The following SAFB variants were observed in gnomAD, a reference collection of about 807,000 sequenced individuals.
The protein encoded by SAFB is scaffold attachment factor B.
A neutral mutation model predicts 101.6 loss-of-function variants in SAFB; 15 were observed. The observed-to-expected ratio is 0.15, with a 90% confidence interval of 0.10 to 0.23. SAFB has a LOEUF of 0.23. SAFB is among the 10% of genes least tolerant of loss of function. SAFB has a pLI of 1.00. For synonymous variants in SAFB, 449 were observed against 407.5 expected (o/e 1.10, Z -1.23); for missense variants, 930 against 1,104.1 (o/e 0.84, Z 2.23).
chr19:5,662,780 A>G, intron 15 of SAFB, among the ~76,000 whole-genome samples: 1 of 150,206 alleles, frequency 6.7e-6, no homozygotes, highest in East Asian at 2.0e-4. Flanking sequence ...ATTCGAGATT[A>G]CAGGCACCCA....
intron 17 of SAFB, 102 bp from the exon 18 acceptor site, chr19:5,666,944 G>A (rs979097013): frequency 4.3e-5 from 35 of 807,286 alleles, no homozygotes; most frequent in Non-Finnish European, 7.2e-5. Context: ...CTTCTGTCCC[G>A]AGTGACTGTC....
Position 5,661,529 on chromosome 19 carries a change from A to C in SAFB, c.1874A>C (p.Glu625Ala), listed in dbSNP as rs1463451109. 1 of 1,612,756 alleles carries C rather than the reference A, an allele frequency of 6.2e-7. No homozygotes were observed. The part of the protein sequence containing the change: ...RDSESHSRVR[E>A]RSEREQRMQA... ...CTACTGTTGTGCAGCAGGGTGCGTG[A>C]ACGCAGTGAACGCGAACAACGCATG... is the stretch of plus-strand genomic sequence containing the variant. The change falls in exon 15 of 21, where the codon GAA becomes GCA. Residue 625 changes from glutamate (E) to alanine (A), a missense_variant. Physicochemically the swap from Glu to Ala is moderately radical, Grantham distance 107. Transcript: ENST00000588852.
At chr19:5,658,712 G>A (rs936231617) in intron 14 of SAFB, among the ~76,000 whole-genome samples, 12 of 151,816 alleles carry the variant, frequency 7.9e-5, no homozygotes, top group African/African-American at 2.7e-4. Flanking sequence ...GCGTGGTGGC[G>A]GGCGCCTGTA....
intron 2 of SAFB, among the ~76,000 whole-genome samples, chr19:5,631,573 A>G (rs753959868): frequency 6.6e-6 from 1 of 152,236 alleles, no homozygotes; most frequent in African/African-American, 2.4e-5. Context: ...TCCAGAAAGC[A>G]TATCTCATGT....
chr19:5,638,312 A>G (rs2053634884), intron 2 of SAFB, among the ~76,000 whole-genome samples: 1 of 152,018 alleles, frequency 6.6e-6, no homozygotes, highest in African/African-American at 2.4e-5. Context: ...TAAAATTACT[A>G]AACTCTTTTT....
Position 5,668,274 on chromosome 19 carries a change from T to C in SAFB, c.2737T>C (p.Phe913Leu). 3 of 1,611,998 alleles carry C rather than the reference T, an allele frequency of 1.9e-6. No individual in the cohort carries two copies. Among genetic ancestry groups the C allele is most frequent in the Non-Finnish European group, 1.7e-6 (2 of 1,179,610 alleles). The change falls in exon 21 of 21, where the codon TTC becomes CTC. Residue 913 changes from phenylalanine (F) to leucine (L), a missense_variant. Transcript: ENST00000588852. ...GGGGAGCAGGCCCAGCGATGCCCGCTTCACTCGCCGCTACTGAGTACTTGG... is the reference window on the plus strand; with the variant it reads ...GGGGAGCAGGCCCAGCGATGCCCGCCTCACTCGCCGCTACTGAGTACTTGG... ...SRGSRPSDAR[F>L]TRRY
rs2054361854 is a variant in SAFB, at chr19:5,667,585, A to C, written c.2557+135A>C. ...TGGAATGAGGAATGAAGAGCACTCC[A>C]GACACCGCCTGCTCTCTGGTGGTCT... On this transcript the variant is annotated intron_variant, in intron 19 of 20. Coordinates refer to ENST00000588852, the MANE Select transcript of SAFB (RefSeq NM_001201338.2). The surrounding 1 kb of genome is among the most constrained non-coding windows in gnomAD (Gnocchi z 4.0). 3 of 722,932 alleles carry C rather than the reference A, an allele frequency of 4.1e-6. No homozygotes were observed. In the East Asian group the frequency reaches 8.2e-5, roughly 20 times the overall value. 44.8% of individuals were successfully genotyped at this position (722,932 alleles called of 1,614,324 possible). A position where few individuals can be genotyped will look rare whatever the true frequency, so the allele number is the denominator to read the frequency against.
chr19:5,640,124 A>G (rs2053675028), intron 2 of SAFB, among the ~76,000 whole-genome samples: 1 of 151,810 alleles, frequency 6.6e-6, no homozygotes, highest in African/African-American at 2.4e-5. Flanking sequence ...AAGTGCTGGG[A>G]TTACAGGCGT....
At position 5,624,809 on chromosome 19, in the gene SAFB, C is replaced by T. The variant is rs374251989; in HGVS notation, c.189+1415C>T. 1.3e-4 allele frequency among the ~76,000 whole-genome samples: 20 copies of T among 151,244 alleles called. No individual in the cohort carries two copies. In the East Asian group the frequency reaches 2.5e-3, roughly 19 times the overall value. The stretch of plus-strand genomic sequence containing the variant: ...TGTGTTTCTTTTCACTATGGATTCT[C>T]TTTACTCAGATAAGGCAGGAAGCCC... On this transcript the variant is annotated intron_variant, in intron 1 of 20. Transcript: ENST00000588852.
At chr19:5,654,012 A>G (rs567619298) in intron 11 of SAFB, 49 bp from the exon 12 acceptor site, 1 of 1,589,230 alleles carries the variant, frequency 6.3e-7, no homozygotes, top group East Asian at 2.2e-5. Flanking sequence ...AAGTGCTGGG[A>G]ATACAGGCAT....
Position 5,661,762 on chromosome 19 carries a change from G to A in SAFB, c.2107G>A (p.Glu703Lys). 1 of 1,579,718 alleles carries A rather than the reference G, an allele frequency of 6.3e-7. No individual in the cohort carries two copies. Among genetic ancestry groups the A allele is most frequent in the Non-Finnish European group, 8.6e-7 (1 of 1,164,672 alleles). The change falls in exon 15 of 21, where the codon GAG becomes AAG. Residue 703 changes from glutamate (E) to lysine (K), a missense_variant. Glu to Lys is a moderately conservative substitution (Grantham distance 56). This residue lies in a region of SAFB where 318 missense variants were observed against 342.6 expected (regional missense o/e 0.93). Transcript: ENST00000588852. ...ELRRQQELRYEQERRPAVRRP... is the reference protein window; with the variant it reads ...ELRRQQELRYKQERRPAVRRP... ...GAGGCGCCAGCAGGAACTGCGCTAT[G>A]AGCAGGAGCGGCGGCCCGCGGTGCG...
chr19:5,641,309 A>G (rs975628156), intron 2 of SAFB, among the ~76,000 whole-genome samples: 4 of 152,306 alleles, frequency 2.6e-5, no homozygotes, highest in East Asian at 1.9e-4. Context: ...TGGGATAGGA[A>G]GAAGGGCAGA....
intron 2 of SAFB, among the ~76,000 whole-genome samples, chr19:5,627,181 A>G (rs992340905): frequency 7.3e-5 from 11 of 151,620 alleles, no homozygotes; most frequent in African/African-American, 2.4e-4. Context: ...GTCTCTCTTA[A>G]AAAAAAGGGG....
At chr19:5,666,309 C>T (rs1307816092) in intron 17 of SAFB, 1 of 152,268 alleles carries the variant, frequency 6.6e-6, no homozygotes, top group African/African-American at 2.4e-5. Context: ...GTGTGACTCG[C>T]CCTCTCTTGG....
intron 14 of SAFB, among the ~76,000 whole-genome samples, chr19:5,658,935 A>C (rs1045289851): frequency 2.6e-5 from 4 of 152,160 alleles, no homozygotes; most frequent in African/African-American, 9.7e-5. Flanking sequence ...TCACAAGGTC[A>C]GGAGTTCAAG....
At chr19:5,631,235 C>T (rs2053483869) in intron 2 of SAFB, among the ~76,000 whole-genome samples, 1 of 152,150 alleles carries the variant, frequency 6.6e-6, no homozygotes, top group African/African-American at 2.4e-5. Flanking sequence ...ATCACTTCTG[C>T]CCCTCCCAGT....
chr19:5,640,240 G>A (rs2053677184), intron 2 of SAFB, among the ~76,000 whole-genome samples: 1 of 151,770 alleles, frequency 6.6e-6, no homozygotes, highest in Admixed American at 6.6e-5. Context: ...ATGATTCAAA[G>A]CAATTTGAGT....
Position 5,650,982 on chromosome 19 carries a change from C to T in SAFB, c.1203C>T (p.Arg401=), listed in dbSNP as rs887776037. 1 of 1,597,350 alleles carries T rather than the reference C, an allele frequency of 6.3e-7. No individual in the cohort carries two copies. The highest frequency in any genetic ancestry group is 8.6e-7 in the Non-Finnish European group (1 of 1,168,464). ...TAGAATTTTCTTTTGAAATAGGTCGCAGCAGTTGTGGTAGAAATTTCTGGG... is the reference window on the plus strand; with the variant it reads ...TAGAATTTTCTTTTGAAATAGGTCGTAGCAGTTGTGGTAGAAATTTCTGGG... ...TKRLSKEEKG[R]SSCGRNFWVS... Residue 401 remains arginine, a synonymous_variant, in exon 9 of 21, where the codon CGC becomes CGT. Transcript: ENST00000588852.
At chr19:5,634,082 G>A (rs537037127) in intron 2 of SAFB, among the ~76,000 whole-genome samples, 11 of 152,200 alleles carry the variant, frequency 7.2e-5, no homozygotes, top group African/African-American at 2.6e-4. Flanking sequence ...TTGCCAGATT[G>A]ACATTGAAAT....
Sources: allele counts gnomAD v4.1 joint callset (sites outside exome capture counted in the v4.1 genomes callset), GRCh38; gene constraint gnomAD v4.1.1; regional missense constraint gnomAD v4.1.1; non-coding constraint Gnocchi (gnomAD v3.1); transcripts MANE v1.5; gene names NCBI Gene and HGNC (gene_info 2026-07-23, HGNC 2026-07-21).